CNTNAP2: variants seen among roughly 807,000 people sequenced by gnomAD.
CNTNAP2 encodes the protein contactin-associated protein-like 2.
A neutral mutation model predicts 155.2 loss-of-function variants in CNTNAP2; 98 were observed. The observed-to-expected ratio is 0.63, with a 90% CI of 0.54 to 0.75. The LOEUF (loss-of-function observed/expected upper bound fraction) is 0.75. Among genes scored for constraint, CNTNAP2 ranks in the 30% least tolerant of loss-of-function variants. The pLI is 0.00. For missense variants in CNTNAP2, 1,727 were observed against 1,688.1 expected, an observed-to-expected ratio of 1.02 and a Z score of -0.40; for synonymous variants, 651 against 631.2, an observed-to-expected ratio of 1.03 and a Z score of -0.47.
intron 1 of CNTNAP2, among the ~76,000 whole-genome samples, chr7:146,722,051 C>A (rs1157822965): frequency 1.3e-5 from 2 of 150,344 alleles, no homozygotes; most frequent in African/African-American, 2.5e-5. Flanking sequence ...CCATGCCTGG[C>A]TAGTTTTTTT....
Position 146,236,722 on chromosome 7 carries a change from C to A in CNTNAP2, c.97+119749C>A, listed in dbSNP as rs373363611. Among the ~76,000 whole-genome samples the A allele has an allele frequency of 1.1e-3, 169 of 152,224 alleles. 1 individual carries two copies. The highest frequency in any genetic ancestry group is 3.9e-3 in the African/African-American group (164 of 41,536). Reference sequence around the variant, plus strand: ...CTTCTCCAGGGAACTGGGGAAGCTTCTGATCCCTTGATATGATTATATCTA... The same window carrying A: ...CTTCTCCAGGGAACTGGGGAAGCTTATGATCCCTTGATATGATTATATCTA... On this transcript the variant is annotated intron_variant, in intron 1 of 23. Coordinates refer to ENST00000361727, the MANE Select transcript of CNTNAP2 (RefSeq NM_014141.6).
At chr7:147,476,358 G>A (rs530916217) in intron 10 of CNTNAP2, among the ~76,000 whole-genome samples, 2 of 152,044 alleles carry the variant, frequency 1.3e-5, no homozygotes, top group South Asian at 4.2e-4. Context: ...GCCCACCTCA[G>A]CCTCCCAAAG....
intron 8 of CNTNAP2, among the ~76,000 whole-genome samples, chr7:147,192,240 A>C (rs965282978): frequency 1.3e-4 from 20 of 152,042 alleles, no homozygotes; most frequent in Admixed American, 7.9e-4. Context: ...TTTACTCTTC[A>C]CCTTCTGATA....
At chr7:148,314,805 A>G (rs563456724) in intron 21 of CNTNAP2, among the ~76,000 whole-genome samples, 17 of 152,276 alleles carry the variant, frequency 1.1e-4, no homozygotes, top group African/African-American at 3.9e-4. Context: ...ATGCCTCTGA[A>G]ATGTGGGTGA....
rs941052179 is a variant in CNTNAP2, at chr7:147,037,455, CTTT to C, written c.403-6434_403-6432del. On this transcript the variant is annotated intron_variant, in intron 3 of 23. Transcript: ENST00000361727. ...ACATCCAGTTTTGTTTTTTTTTTCCCTTTTTTTTTTTTTTTTTTTTATTGAGAT... is the reference window on the plus strand; with the variant it reads ...ACATCCAGTTTTGTTTTTTTTTTCCCTTTTTTTTTTTTTTTTTATTGAGAT... 5.2e-5 allele frequency among the ~76,000 whole-genome samples: 7 copies of C among 134,658 alleles called. No individual in the cohort carries two copies. In the East Asian group the frequency reaches 6.5e-4, roughly 13 times the overall value. 88.3% of individuals were successfully genotyped at this position (134,658 alleles called of 152,430 possible).
intron 1 of CNTNAP2, among the ~76,000 whole-genome samples, chr7:146,672,814 A>G (rs1043578059): frequency 2.6e-5 from 4 of 152,196 alleles, no homozygotes; most frequent in Non-Finnish European, 5.9e-5. Context: ...TTTAATGTGT[A>G]CAATTGCAAT....
intron 1 of CNTNAP2, among the ~76,000 whole-genome samples, chr7:146,646,093 C>T (rs1224415888): frequency 6.6e-6 from 1 of 152,198 alleles, no homozygotes; most frequent in Non-Finnish European, 1.5e-5. Context: ...CTTGTATTCA[C>T]ACTTTACAAG....
intron 18 of CNTNAP2, among the ~76,000 whole-genome samples, chr7:148,204,896 C>G (rs1795423884): frequency 6.6e-6 from 1 of 152,160 alleles, no homozygotes; most frequent in South Asian, 2.1e-4. Flanking sequence ...CCTCAGTTAC[C>G]TCATCTGTAA....
intron 10 of CNTNAP2, among the ~76,000 whole-genome samples, chr7:147,439,666 C>A (rs1797606159): frequency 6.6e-6 from 1 of 151,966 alleles, no homozygotes; most frequent in Non-Finnish European, 1.5e-5. Flanking sequence ...CTGTCCAATT[C>A]TGAACGTGGG....
chr7:146,251,020 A>G (rs1799748123), intron 1 of CNTNAP2, among the ~76,000 whole-genome samples: 2 of 152,186 alleles, frequency 1.3e-5, no homozygotes, highest in Non-Finnish European at 2.9e-5. Flanking sequence ...AATTTTTCCA[A>G]TGAAACTTTC....
At chr7:146,412,843 T>C (rs533412215) in intron 1 of CNTNAP2, among the ~76,000 whole-genome samples, 4 of 152,298 alleles carry the variant, frequency 2.6e-5, no homozygotes, top group African/African-American at 9.6e-5. Context: ...TATGAAGGGT[T>C]TCAGTTTAGT....
chr7:147,539,943 C>A (rs906502074), intron 11 of CNTNAP2, among the ~76,000 whole-genome samples: 11 of 152,146 alleles, frequency 7.2e-5, no homozygotes, highest in Non-Finnish European at 1.3e-4. Context: ...AGGCTCATAC[C>A]AGCCAAAGGA....
At chr7:147,771,456 T>C (rs1417240564) in intron 13 of CNTNAP2, among the ~76,000 whole-genome samples, 1 of 152,138 alleles carries the variant, frequency 6.6e-6, no homozygotes, top group Non-Finnish European at 1.5e-5. Context: ...GAATGAGCCT[T>C]TGTGGTTGAT....
intron 7 of CNTNAP2, 86 bp downstream of exon 7, chr7:147,128,922 A>G (rs1390138748): frequency 7.1e-6 from 11 of 1,544,810 alleles, no homozygotes; most frequent in African/African-American, 2.7e-5. Context: ...CAACAAAATC[A>G]TGACATTTTT....
intron 3 of CNTNAP2, among the ~76,000 whole-genome samples, chr7:147,031,202 C>T (rs1280120881): frequency 6.6e-6 from 1 of 151,796 alleles, no homozygotes; most frequent in African/African-American, 2.4e-5. Flanking sequence ...TTCATCCTTT[C>T]TTATGGCTTG....
intron 16 of CNTNAP2, among the ~76,000 whole-genome samples, chr7:148,131,097 T>C (rs1225773433): frequency 7.5e-6 from 1 of 133,548 alleles, no homozygotes; most frequent in East Asian, 2.1e-4. Context: ...CTTTTTTTTT[T>C]TTTTTTTTTT....
At chr7:146,143,183 G>A (rs1797905622) in intron 1 of CNTNAP2, among the ~76,000 whole-genome samples, 1 of 152,096 alleles carries the variant, frequency 6.6e-6, no homozygotes, top group Non-Finnish European at 1.5e-5. Context: ...ATTGCTGTTT[G>A]ACTTTTCAAA....
chr7:146,852,480 G>A (rs912277876), intron 3 of CNTNAP2, among the ~76,000 whole-genome samples: 4 of 151,674 alleles, frequency 2.6e-5, no homozygotes, highest in Non-Finnish European at 4.4e-5. Flanking sequence ...CTCCCACCCC[G>A]TCCCCAAAGA....
At chr7:147,223,008 A>G (rs773671781) in intron 8 of CNTNAP2, among the ~76,000 whole-genome samples, 5 of 151,914 alleles carry the variant, frequency 3.3e-5, no homozygotes, top group Non-Finnish European at 7.4e-5. Context: ...AAAATGATTC[A>G]TTTTCATCTT....
Sources: allele counts gnomAD v4.1 joint callset (sites outside exome capture counted in the v4.1 genomes callset), GRCh38; gene constraint gnomAD v4.1.1; transcripts MANE v1.5; gene names NCBI Gene and HGNC (gene_info 2026-07-23, HGNC 2026-07-21).